Variants in CDK17 observed in about 807,000 individuals in gnomAD.
The protein encoded by CDK17 is cyclin dependent kinase 17.
Under a neutral mutation model 77.6 loss-of-function variants are expected in CDK17, and 24 were observed. The observed-to-expected ratio is 0.31, with a 90% CI of 0.22 to 0.44. The LOEUF (loss-of-function observed/expected upper bound fraction) is 0.44. Among genes scored for constraint, CDK17 ranks in the 20% least tolerant of loss-of-function variants. The pLI, the probability that CDK17 is intolerant of heterozygous loss-of-function variation, is 1.00. For missense variants in CDK17, 429 were observed against 622.5 expected (o/e 0.69, Z 3.31); for synonymous variants, 203 against 210.4 (o/e 0.96, Z 0.30).
At chr12:96,343,748 T>A (rs1464015109) in intron 1 of CDK17, among the ~76,000 whole-genome samples, 1 of 152,038 alleles carries the variant, frequency 6.6e-6, no homozygotes, top group Non-Finnish European at 1.5e-5. Flanking sequence ...GCCTGATGAG[T>A]GGGAGAATCT....
chr12:96,352,106 A>G (rs895323679), intron 1 of CDK17, among the ~76,000 whole-genome samples: 1 of 152,180 alleles, frequency 6.6e-6, no homozygotes, highest in African/African-American at 2.4e-5. Context: ...CTTTTAACAG[A>G]CTTTTCAAGG....
At chr12:96,314,794 C>CA (rs1952688202) in intron 3 of CDK17, among the ~76,000 whole-genome samples, 1 of 152,180 alleles carries the variant, frequency 6.6e-6, no homozygotes. Context: ...CTTTAACACA[C>CA]TTTTTTTCTC....
At chr12:96,359,865 A>C (rs11108479) in intron 1 of CDK17, among the ~76,000 whole-genome samples, 13,036 of 152,284 alleles carry the variant, frequency 0.086, 769 homozygotes, top group South Asian at 0.22. Context: ...AGAAATTTCA[A>C]AGAAATATTT....
chr12:96,294,305 T>C (rs181365007), intron 10 of CDK17, among the ~76,000 whole-genome samples: 241 of 152,266 alleles, frequency 1.6e-3, no homozygotes, highest in Middle Eastern at 3.4e-3. Context: ...AAGAATACAA[T>C]GACGGCCTGG....
intron 3 of CDK17, among the ~76,000 whole-genome samples, chr12:96,321,739 C>A (rs1952816983): frequency 9.5e-6 from 1 of 105,148 alleles, no homozygotes; most frequent in Non-Finnish European, 1.9e-5. Flanking sequence ...TATTCTCACT[C>A]ATAGGTGGGA....
chr12:96,361,880 C>T (rs1008550231), intron 1 of CDK17, among the ~76,000 whole-genome samples: 4 of 152,180 alleles, frequency 2.6e-5, no homozygotes, highest in African/African-American at 9.7e-5. Context: ...AGTGAAAGGA[C>T]TGAATTGCTA....
intron 5 of CDK17, among the ~76,000 whole-genome samples, chr12:96,300,736 A>G (rs777438463): frequency 6.6e-6 from 1 of 152,134 alleles, no homozygotes; most frequent in Non-Finnish European, 1.5e-5. Flanking sequence ...CTCTTCCTCA[A>G]CTTCTGAAAC....
At position 96,297,131 on chromosome 12, in the gene CDK17, C is replaced by T. The variant is rs780501925; in HGVS notation, c.873+139G>A. ...ACAGAAGTTCTGGGTAAATATTGCA[C>T]GTTCAGAGGACAATAACCTATTTAA... On this transcript the variant is annotated intron_variant, in intron 9 of 16. Coordinates refer to ENST00000261211, the MANE Select transcript of CDK17 (RefSeq NM_002595.5). 4 of 536,084 alleles carry T rather than the reference C, an allele frequency of 7.5e-6. 1 individual carries two copies. The highest frequency in any genetic ancestry group is 5.9e-5 in the South Asian group (2 of 33,828). The allele number at this position is 536,084 out of a possible 1,614,324, so 33.2% of individuals were successfully genotyped here. A position where few individuals can be genotyped will look rare whatever the true frequency, so the allele number is the denominator to read the frequency against.
In CDK17 at chr12:96,289,678, G is replaced by A. The variant is rs542473590; in HGVS notation, c.998-391C>T. 2.6e-5 allele frequency among the ~76,000 whole-genome samples: 4 copies of A among 152,210 alleles called. No individual in the cohort carries two copies. In the South Asian group the frequency reaches 6.2e-4, roughly 24 times the overall value. ...TGAGATACACAATTTTACTTCTAAC[G>A]GCTATGAGCTTTTGTCACCTTTTAA... On this transcript the variant is annotated intron_variant, in intron 10 of 16. Coordinates refer to ENST00000261211, the MANE Select transcript of CDK17 (RefSeq NM_002595.5).
chr12:96,365,593 G>T (rs1345017), intron 1 of CDK17, among the ~76,000 whole-genome samples: 129,974 of 152,248 alleles, frequency 0.85, 55,547 homozygotes, highest in African/African-American at 0.86. Context: ...TTGATAATCT[G>T]TTTCAAAAGA....
intron 1 of CDK17, among the ~76,000 whole-genome samples, chr12:96,336,134 A>G (rs753290144): frequency 6.6e-6 from 1 of 152,142 alleles, no homozygotes; most frequent in Non-Finnish European, 1.5e-5. Context: ...CATAAGTAAT[A>G]ATTTTATATT....
intron 1 of CDK17, among the ~76,000 whole-genome samples, chr12:96,369,231 T>C (rs1011630451): frequency 9.9e-5 from 15 of 152,272 alleles, no homozygotes; most frequent in African/African-American, 3.6e-4. Context: ...AACACTCAAA[T>C]GCACTGATTT....
chr12:96,310,983 G>A (rs1254758845), intron 5 of CDK17, 69 bp downstream of exon 5: 42 of 1,473,086 alleles, frequency 2.9e-5, no homozygotes, highest in East Asian at 5.1e-5. Flanking sequence ...AATTTAAAAT[G>A]TTTACACCCA....
chr12:96,391,760 A>C (rs1024518031), intron 1 of CDK17, among the ~76,000 whole-genome samples: 1 of 152,156 alleles, frequency 6.6e-6, no homozygotes, highest in Non-Finnish European at 1.5e-5. Context: ...ATTTTCACTA[A>C]CAAGTTAGTA....
At chr12:96,320,915 A>G (rs1201013445) in intron 3 of CDK17, among the ~76,000 whole-genome samples, 12 of 25,676 alleles carry the variant, frequency 4.7e-4, no homozygotes, top group African/African-American at 1.7e-3. Flanking sequence ...CTTCATGTCC[A>G]AAACACCAAA....
chr12:96,385,362 G>A (rs560024925), intron 1 of CDK17, among the ~76,000 whole-genome samples: 5 of 151,974 alleles, frequency 3.3e-5, no homozygotes, highest in Non-Finnish European at 7.4e-5. Flanking sequence ...TGACTAGAAG[G>A]GGTTGGCAAA....
chr12:96,302,469 C>T (rs891556511), intron 5 of CDK17, among the ~76,000 whole-genome samples: 7 of 151,884 alleles, frequency 4.6e-5, no homozygotes, highest in African/African-American at 1.2e-4. Context: ...ATGGAACTAC[C>T]GCATTTTTGC....
At chr12:96,298,247 A>G (rs925225459) in intron 7 of CDK17, among the ~76,000 whole-genome samples, 12 of 151,780 alleles carry the variant, frequency 7.9e-5, no homozygotes, top group Non-Finnish European at 1.5e-4. Context: ...AGATCTCGCC[A>G]CTGCACTCCA....
At chr12:96,371,925 T>G (rs1320364366) in intron 1 of CDK17, among the ~76,000 whole-genome samples, 1 of 152,070 alleles carries the variant, frequency 6.6e-6, no homozygotes, top group Non-Finnish European at 1.5e-5. Flanking sequence ...CTTAGCATAC[T>G]TGGCACAAGG....
Sources: gnomAD v4.1 joint callset for allele counts (sites outside exome capture counted in the v4.1 genomes callset) on GRCh38, gnomAD v4.1.1 for gene constraint, MANE v1.5 for transcripts, NCBI Gene and HGNC (gene_info 2026-07-23, HGNC 2026-07-21) for gene names.